UCHL3: variants seen among roughly 807,000 people sequenced by gnomAD.
UCHL3 encodes ubiquitin C-terminal hydrolase L3.
UCHL3 carries 22 observed loss-of-function variants against 35.8 expected under a neutral mutation model. The ratio of observed to expected loss-of-function variants is 0.61; its 90% CI spans 0.44 to 0.88. The LOEUF (loss-of-function observed/expected upper bound fraction) is 0.88, where lower values mean the gene tolerates loss of function less well. UCHL3 is among the 40% of genes least tolerant of loss of function. UCHL3 has a pLI of 0.00. For missense variants in UCHL3, 229 were observed against 276.9 expected (o/e 0.83, Z 1.23); for synonymous variants, 90 against 92.8 (o/e 0.97, Z 0.17).
At chr13:75,591,432 C>T (rs1008241089) in intron 6 of UCHL3, among the ~76,000 whole-genome samples, 5 of 152,106 alleles carry the variant, frequency 3.3e-5, no homozygotes, top group Admixed American at 6.6e-5. Context: ...ACTAAATGAC[C>T]AGGGTAGAAT....
At chr13:75,554,951 A>G in intron 2 of UCHL3, among the ~76,000 whole-genome samples, 1 of 152,098 alleles carries the variant, frequency 6.6e-6, no homozygotes, top group South Asian at 2.1e-4. Context: ...CTTTGTATCC[A>G]TGTGTTCTCA....
At chr13:75,553,946 G>A (rs761870184) in intron 2 of UCHL3, among the ~76,000 whole-genome samples, 18 of 152,198 alleles carry the variant, frequency 1.2e-4, no homozygotes, top group African/African-American at 3.9e-4. Flanking sequence ...CAGAGAGGCC[G>A]TAGTATCTTG....
Position 75,566,893 on chromosome 13 carries a change from A to T in UCHL3, c.340+42A>T, listed in dbSNP as rs770020121. ...TACTGCATTTTTTCCCCCTTAAGAT[A>T]CAAGTTAATTGCATTGAGCAGTAGG... On this transcript the variant is annotated intron_variant, in intron 4 of 8. Coordinates refer to ENST00000377595, the MANE Select transcript of UCHL3 (RefSeq NM_006002.5). The T allele has an allele frequency of 3.2e-6, 5 of 1,559,346 alleles. No homozygotes were observed. The South Asian group carries it at 3.7e-5, about 11-fold the overall frequency.
intron 6 of UCHL3, 149 bp from the exon 7 acceptor site, chr13:75,594,764 CTT>C: frequency 1.6e-6 from 1 of 641,576 alleles, no homozygotes; most frequent in African/African-American, 1.9e-5. Flanking sequence ...CATGGTCACT[CTT>C]TGTCCATTAT....
chr13:75,579,280 G>A (rs2032112374), intron 6 of UCHL3, among the ~76,000 whole-genome samples: 1 of 152,036 alleles, frequency 6.6e-6, no homozygotes, highest in Admixed American at 6.5e-5. Flanking sequence ...TGTATCATGC[G>A]GTTCAAGATG....
chr13:75,578,163 A>G (rs986984960), intron 6 of UCHL3, among the ~76,000 whole-genome samples: 20 of 152,234 alleles, frequency 1.3e-4, no homozygotes, highest in African/African-American at 4.6e-4. Context: ...ACATATTACC[A>G]TGAACATTTT....
In UCHL3 at chr13:75,567,217, A is replaced by G. The variant is rs753804961; in HGVS notation, c.341-10A>G. The G allele has an allele frequency of 6.2e-6, 10 of 1,613,030 alleles. No homozygotes were observed. In the South Asian group the frequency reaches 1.1e-4, roughly 18 times the overall value. Reference sequence around the variant, plus strand: ...AGCCTTTTTAATTTTATCTTCTTTCATATTCTCAGAATCTGGATCAACCTT... The same window carrying G: ...AGCCTTTTTAATTTTATCTTCTTTCGTATTCTCAGAATCTGGATCAACCTT... On this transcript the variant is annotated splice_polypyrimidine_tract_variant and intron_variant, in intron 4 of 8. Coordinates refer to ENST00000377595, the MANE Select transcript of UCHL3 (RefSeq NM_006002.5).
At chr13:75,584,981 G>T (rs536586577) in intron 6 of UCHL3, among the ~76,000 whole-genome samples, 1 of 151,964 alleles carries the variant, frequency 6.6e-6, no homozygotes, top group Admixed American at 6.6e-5. Flanking sequence ...GCATCCAACA[G>T]CTGTGGGACA....
At chr13:75,583,207 C>T (rs1413638352) in intron 6 of UCHL3, among the ~76,000 whole-genome samples, 2 of 152,110 alleles carry the variant, frequency 1.3e-5, no homozygotes, top group Non-Finnish European at 2.9e-5. Flanking sequence ...CCAGGCCTTA[C>T]AAAGTAGTTT....
In UCHL3 at chr13:75,595,128, C is replaced by T. The variant is rs983750757; in HGVS notation, c.550+138C>T. ...CTATAAAATTGATTTGACATAGCGACAGTTTTCCTTTTAAGACAGTTTACT... is the reference window on the plus strand; with the variant it reads ...CTATAAAATTGATTTGACATAGCGATAGTTTTCCTTTTAAGACAGTTTACT... On this transcript the variant is annotated intron_variant, in intron 7 of 8. Transcript: ENST00000377595. 19 of 663,170 alleles carry T rather than the reference C, an allele frequency of 2.9e-5. No homozygotes were observed. The African/African-American group carries it at 3.2e-4, about 11-fold the overall frequency. The allele number at this position is 663,170 out of a possible 1,614,324, so 41.1% of individuals were successfully genotyped here.
At chr13:75,567,438 A>T (rs2031720758) in intron 5 of UCHL3, 126 bp downstream of exon 5, 1 of 793,554 alleles carries the variant, frequency 1.3e-6, no homozygotes, top group East Asian at 2.6e-5. Context: ...TCCATTAAGA[A>T]AAGCCTTTTG....
chr13:75,569,617 C>A, intron 6 of UCHL3, 110 bp downstream of exon 6: 1 of 1,050,620 alleles, frequency 9.5e-7, no homozygotes, highest in Non-Finnish European at 1.3e-6. Context: ...TAGAAAGTTA[C>A]TTGGCTTTTT....
intron 6 of UCHL3, among the ~76,000 whole-genome samples, chr13:75,592,430 A>ATG (rs1566227905): frequency 5.7e-4 from 29 of 50,800 alleles, no homozygotes; most frequent in African/African-American, 1.7e-3. Flanking sequence ...ATATATATAT[A>ATG]TATATATATA....
Position 75,605,790 on chromosome 13 carries a change from C to T in UCHL3, c.671C>T (p.Ala224Val), listed in dbSNP as rs139878255. The change falls in exon 9 of 9, where the codon GCG becomes GTG. Residue 224 changes from alanine (A) to valine (V), a missense_variant. By Grantham distance (64) the Ala-to-Val change is moderately conservative. Transcript: ENST00000377595. ...ERDPDELRFNAIALSAA is the reference protein window; with the variant it reads ...ERDPDELRFNVIALSAA Reference sequence around the variant, plus strand: ...GACCCTGATGAACTAAGATTTAATGCGATTGCTCTTTCTGCAGCATAGCTT... The same window carrying T: ...GACCCTGATGAACTAAGATTTAATGTGATTGCTCTTTCTGCAGCATAGCTT... 2.3e-5 allele frequency: 37 copies of T among 1,613,686 alleles called. No homozygotes were observed. The highest frequency in any genetic ancestry group is 3.3e-5 in the Admixed American group (2 of 59,964).
At chr13:75,592,440 A>AAC (rs2032517574) in intron 6 of UCHL3, among the ~76,000 whole-genome samples, 1 of 108,986 alleles carries the variant, frequency 9.2e-6, no homozygotes. Flanking sequence ...ATATATATAT[A>AAC]TATATATATA....
At chr13:75,561,668 G>T (rs1326994563) in intron 3 of UCHL3, among the ~76,000 whole-genome samples, 3 of 151,632 alleles carry the variant, frequency 2.0e-5, no homozygotes, top group Admixed American at 1.3e-4. Flanking sequence ...ATTTTAATTG[G>T]CAGCTTTAGG....
intron 7 of UCHL3, among the ~76,000 whole-genome samples, chr13:75,603,830 A>T (rs2032850469): frequency 6.6e-6 from 1 of 152,148 alleles, no homozygotes; most frequent in Non-Finnish European, 1.5e-5. Flanking sequence ...AACTTTAGGA[A>T]TTATGTCCCA....
intron 2 of UCHL3, among the ~76,000 whole-genome samples, chr13:75,554,764 A>G (rs558627617): frequency 6.6e-6 from 1 of 152,060 alleles, no homozygotes; most frequent in Non-Finnish European, 1.5e-5. Flanking sequence ...TTGTTTTTTT[A>G]AACTTTTAGC....
At chr13:75,557,334 A>G (rs2031328082) in intron 2 of UCHL3, among the ~76,000 whole-genome samples, 1 of 152,222 alleles carries the variant, frequency 6.6e-6, no homozygotes, top group Admixed American at 6.5e-5. Flanking sequence ...ATAATTTTAA[A>G]TATTCTTTAT....
Sources: allele counts gnomAD v4.1 joint callset (sites outside exome capture counted in the v4.1 genomes callset), GRCh38; gene constraint gnomAD v4.1.1; transcripts MANE v1.5; gene names NCBI Gene and HGNC (gene_info 2026-07-23, HGNC 2026-07-21).